Variants in DNAAF9 observed in about 807,000 individuals in gnomAD.
The protein encoded by DNAAF9 is dynein axonemal assembly factor 9, also known as shulin.
In DNAAF9, 90 loss-of-function variants were observed where a neutral mutation model predicts 167.0. That is an observed-to-expected ratio of 0.54 (90% confidence interval 0.45 to 0.64). The LOEUF is 0.64. DNAAF9 is among the 30% of genes least tolerant of loss of function. DNAAF9 has a pLI of 0.00. For synonymous variants in DNAAF9, 491 were observed against 508.8 expected (o/e 0.96, Z 0.47); for missense variants, 1,315 against 1,442.2 (o/e 0.91, Z 1.43).
intron 6 of DNAAF9, among the ~76,000 whole-genome samples, chr20:3,371,979 G>A (rs1016255914): frequency 2.0e-5 from 3 of 152,128 alleles, no homozygotes; most frequent in African/African-American, 4.8e-5. Context: ...TATCTATATC[G>A]ATGACTCAGT....
rs188581892 is a variant in DNAAF9 at position 3,295,691 on chromosome 20, T to C, written c.2019-1062A>G. ...TAGAGACAAACTGTAACACAGTCCATGGGCCTGCAACCGTCCCCTTTTATT... is the reference window on the plus strand; with the variant it reads ...TAGAGACAAACTGTAACACAGTCCACGGGCCTGCAACCGTCCCCTTTTATT... On this transcript the variant is annotated intron_variant, in intron 23 of 36. Coordinates refer to ENST00000252032, the MANE Select transcript of DNAAF9 (RefSeq NM_001009984.3). The C allele has an allele frequency of 2.8e-3, 1,615 of 572,916 alleles. 14 individuals carry two copies. Among genetic ancestry groups the C allele is most frequent in the East Asian group, 0.019 (413 of 21,960 alleles). 35.5% of individuals were successfully genotyped at this position (572,916 alleles called of 1,614,324 possible). A position where few individuals can be genotyped will look rare whatever the true frequency, so the allele number is the denominator to read the frequency against.
intron 3 of DNAAF9, among the ~76,000 whole-genome samples, chr20:3,380,371 C>T (rs533512694): frequency 1.3e-4 from 20 of 152,322 alleles, no homozygotes; most frequent in South Asian, 8.3e-4. Context: ...ATAAACACTA[C>T]TAAGGACTTA....
chr20:3,262,764 T>G (rs2122763152), intron 31 of DNAAF9, among the ~76,000 whole-genome samples: 1 of 152,208 alleles, frequency 6.6e-6, no homozygotes, highest in East Asian at 1.9e-4. Context: ...GAAAGAAGGT[T>G]CCCCCAGAAG....
At chr20:3,387,944 C>T (rs111363418) in intron 1 of DNAAF9, among the ~76,000 whole-genome samples, 6,240 of 143,696 alleles carry the variant, frequency 0.043, 192 homozygotes, top group African/African-American at 0.091. Context: ...CATGTGCCTG[C>T]GGTCCCACCT....
chr20:3,368,060 C>G lies in DNAAF9; in HGVS notation c.612+5988G>C, dbSNP rs117047309. On this transcript the variant is annotated intron_variant, in intron 6 of 36. Transcript: ENST00000252032. ...ACACATCAGGCACTATCCTCGAATCCTTTCAGATAGGTTTCTCTTGACCTT... is the reference window on the plus strand; with the variant it reads ...ACACATCAGGCACTATCCTCGAATCGTTTCAGATAGGTTTCTCTTGACCTT... 9.1e-3 allele frequency among the ~76,000 whole-genome samples: 1,378 copies of G among 152,120 alleles called. 9 individuals are homozygous for G. Among genetic ancestry groups the G allele is most frequent in the South Asian group, 0.018 (86 of 4,806 alleles).
chr20:3,367,614 G>T (rs749985760), intron 6 of DNAAF9, among the ~76,000 whole-genome samples: 1 of 152,074 alleles, frequency 6.6e-6, no homozygotes, highest in Non-Finnish European at 1.5e-5. Context: ...GAATAGGGAA[G>T]TCAGGATAAA....
intron 29 of DNAAF9, among the ~76,000 whole-genome samples, 183 bp from the exon 30 acceptor site, chr20:3,270,745 C>T (rs986839799): frequency 1.3e-5 from 2 of 152,072 alleles, no homozygotes; most frequent in Non-Finnish European, 2.9e-5. Context: ...CCCGGCACTG[C>T]CACCTCTTGG....
At chr20:3,292,068 G>A (rs2068965937) in intron 25 of DNAAF9, among the ~76,000 whole-genome samples, 1 of 150,822 alleles carries the variant, frequency 6.6e-6, no homozygotes, top group African/African-American at 2.4e-5. Flanking sequence ...GTGCGATCTT[G>A]GCTTACTACA....
At position 3,250,710 on chromosome 20, in the gene DNAAF9, G is replaced by C. The variant is rs2068182670; in HGVS notation, c.*1862C>G. On this transcript the variant is annotated 3_prime_UTR_variant, in exon 37 of 37. Coordinates refer to ENST00000252032, the MANE Select transcript of DNAAF9 (RefSeq NM_001009984.3). ...AAAACTCTTCTGCAGCAGCCAGACT[G>C]CCAGGCCAGTGCAGTCAGGAAATGG... 6.6e-6 allele frequency: 1 copy of C among 152,230 alleles called. No homozygotes were observed. The highest frequency in any genetic ancestry group is 6.5e-5 in the Admixed American group (1 of 15,284). The allele number at this position is 152,230 out of a possible 1,614,324, so 9.4% of individuals were successfully genotyped here.
In DNAAF9 at chr20:3,326,273, G is replaced by A; in HGVS notation, c.1112C>T (p.Ser371Phe). ...CTCAATAACAGCAGCATATATCTGG[G>A]ACAATAGCCTACTTTAAAAACAAAA... ...PKKTEQIRLL[S>F]QIYAAVIEAV... Residue 371 changes from serine (S) to phenylalanine (F), a missense_variant, in exon 13 of 37, where the codon TCC becomes TTC. Physicochemically the swap from Ser to Phe is radical, Grantham distance 155. Coordinates refer to ENST00000252032, the MANE Select transcript of DNAAF9 (RefSeq NM_001009984.3). The A allele has an allele frequency of 6.2e-6, 10 of 1,611,384 alleles. No individual in the cohort carries two copies. Among genetic ancestry groups the A allele is most frequent in the Non-Finnish European group, 8.5e-6 (10 of 1,177,996 alleles).
Position 3,328,553 on chromosome 20 carries a change from T to C in DNAAF9, c.1100+2093A>G, listed in dbSNP as rs909223513. On this transcript the variant is annotated intron_variant, in intron 12 of 36. Transcript: ENST00000252032. Reference sequence around the variant, plus strand: ...CTGTGATTTGGCAAATCTCCCAATGTGCACCCAGTTACCACTCAATACCAG... The same window carrying C: ...CTGTGATTTGGCAAATCTCCCAATGCGCACCCAGTTACCACTCAATACCAG... Among the ~76,000 whole-genome samples, 6 of 152,310 alleles carry C rather than the reference T, an allele frequency of 3.9e-5. No individual in the cohort carries two copies. In the East Asian group the frequency reaches 1.2e-3, roughly 29 times the overall value.
chr20:3,290,947 C>A (rs773365056), intron 25 of DNAAF9, among the ~76,000 whole-genome samples: 4 of 152,108 alleles, frequency 2.6e-5, no homozygotes, highest in Non-Finnish European at 5.9e-5. Context: ...TGCCACCATA[C>A]CCAGCTAATT....
intron 11 of DNAAF9, among the ~76,000 whole-genome samples, chr20:3,331,037 C>A (rs1465523883): frequency 6.6e-6 from 1 of 152,246 alleles, no homozygotes; most frequent in South Asian, 2.1e-4. Flanking sequence ...AGTGATCCAC[C>A]CACCTCAGCT....
At chr20:3,343,041 C>T (rs2070118538) in intron 9 of DNAAF9, among the ~76,000 whole-genome samples, 1 of 117,906 alleles carries the variant, frequency 8.5e-6, no homozygotes, top group Non-Finnish European at 1.8e-5. Context: ...ATTTCTATTG[C>T]TGTGCAGAAG....
intron 20 of DNAAF9, among the ~76,000 whole-genome samples, chr20:3,307,832 A>G (rs1399037308): frequency 6.6e-6 from 1 of 152,164 alleles, no homozygotes; most frequent in African/African-American, 2.4e-5. Context: ...AACTGGCTGT[A>G]CAAATAAAAA....
intron 7 of DNAAF9, among the ~76,000 whole-genome samples, chr20:3,352,490 T>C (rs953285379): frequency 2.0e-5 from 3 of 149,764 alleles, no homozygotes; most frequent in Admixed American, 6.7e-5. Context: ...TGGTCCCAGA[T>C]CTACTCTCCT....
At chr20:3,338,240 A>C (rs187172802) in intron 10 of DNAAF9, among the ~76,000 whole-genome samples, 68 of 152,170 alleles carry the variant, frequency 4.5e-4, no homozygotes, top group African/African-American at 1.4e-3. Flanking sequence ...TGTTGGATAT[A>C]AAATGTGGTT....
At chr20:3,328,725 T>C (rs997996053) in intron 12 of DNAAF9, among the ~76,000 whole-genome samples, 5 of 152,244 alleles carry the variant, frequency 3.3e-5, no homozygotes, top group Middle Eastern at 3.4e-3. Flanking sequence ...GAGGAAATGG[T>C]TGACTTGTTG....
chr20:3,254,858 T>A (rs2068251388), intron 35 of DNAAF9, among the ~76,000 whole-genome samples: 1 of 152,230 alleles, frequency 6.6e-6, no homozygotes, highest in South Asian at 2.1e-4. Context: ...AGCCTTCCTA[T>A]GAGCAGCCTC....
Sources: allele counts gnomAD v4.1 joint callset (sites outside exome capture counted in the v4.1 genomes callset), GRCh38; gene constraint gnomAD v4.1.1; transcripts MANE v1.5; gene names NCBI Gene and HGNC (gene_info 2026-07-23, HGNC 2026-07-21).